Variants in ZFHX3 observed in about 807,000 individuals in gnomAD.
ZFHX3 encodes zinc finger homeobox protein 3.
In ZFHX3, 42 loss-of-function variants were observed where a neutral mutation model predicts 279.1. That is an observed-to-expected ratio of 0.15 (90% CI 0.12 to 0.19). The LOEUF (loss-of-function observed/expected upper bound fraction) is 0.19. Ranked by LOEUF, ZFHX3 falls within the 10% of genes least tolerant of loss-of-function variation. ZFHX3 has a pLI of 1.00. For synonymous variants in ZFHX3, 2,293 were observed against 1,957.8 expected (o/e 1.17, Z -4.52); for missense variants, 4,981 against 4,754.0 (o/e 1.05, Z -1.40).
intron 3 of ZFHX3, among the ~76,000 whole-genome samples, chr16:73,440,040 GT>G (rs2018062877): frequency 6.6e-6 from 1 of 151,038 alleles, no homozygotes; most frequent in Admixed American, 6.6e-5. Context: ...CAAGTGCGTT[GT>G]TCACAGTACA....
At chr16:73,360,331 C>T (rs534424590) in intron 3 of ZFHX3, among the ~76,000 whole-genome samples, 7 of 152,216 alleles carry the variant, frequency 4.6e-5, no homozygotes, top group South Asian at 2.1e-4. Context: ...TGTTTTGTTT[C>T]GTTTTGTTTC....
chr16:73,338,879 G>C (rs13333586), intron 3 of ZFHX3, among the ~76,000 whole-genome samples: 4,168 of 152,152 alleles, frequency 0.027, 204 homozygotes, highest in African/African-American at 0.094. Flanking sequence ...TCGCCATAGT[G>C]GATGAGTTCT....
chr16:73,839,840 A>G (rs1332151694), intron 1 of ZFHX3, among the ~76,000 whole-genome samples: 1 of 152,074 alleles, frequency 6.6e-6, no homozygotes, highest in Non-Finnish European at 1.5e-5. Flanking sequence ...CCCTAACCCT[A>G]TCCCTGGGGA....
chr16:73,159,499 C>A (rs1391049952), intron 5 of ZFHX3, among the ~76,000 whole-genome samples: 1 of 152,086 alleles, frequency 6.6e-6, no homozygotes, highest in African/African-American at 2.4e-5. Context: ...TGTGAAGAAG[C>A]TTGGGGTTGC....
At position 73,269,427 on chromosome 16, in the gene ZFHX3, T is replaced by C. The variant is rs377388533; in HGVS notation, c.-1193-12291A>G. Among the ~76,000 whole-genome samples, 21 of 152,354 alleles carry C rather than the reference T, an allele frequency of 1.4e-4. 1 individual carries two copies. Among genetic ancestry groups the C allele is most frequent in the South Asian group, 1.2e-3 (6 of 4,830 alleles). ...CCATATAAATGGAATAATTCAGTAT[T>C]TTTTGTTAGCGACTTCTTTCACTTA... On this transcript the variant is annotated intron_variant, in intron 4 of 17. Transcript: ENST00000641206.
chr16:72,963,580 T>C lies in ZFHX3; in HGVS notation c.-49-3386A>G, dbSNP rs377643194. On this transcript the variant is annotated intron_variant, in intron 1 of 9. Transcript: ENST00000268489. ...TCTTCCAAGCTCCCTTGGAACCACC[T>C]GTAAAGCCCACTGCATCTTTGCAAA... Among the ~76,000 whole-genome samples the C allele has an allele frequency of 3.7e-4, 57 of 152,290 alleles. No individual in the cohort carries two copies. The South Asian group carries it at 0.011, about 29-fold the overall frequency.
At chr16:72,816,529 T>C (rs1246485666) in intron 5 of ZFHX3, among the ~76,000 whole-genome samples, 1 of 152,200 alleles carries the variant, frequency 6.6e-6, no homozygotes, top group East Asian at 1.9e-4. Context: ...CCACACAGAC[T>C]TTCCAGGGAG....
At chr16:73,013,243 T>C (rs1027399003) in intron 1 of ZFHX3, among the ~76,000 whole-genome samples, 5 of 152,192 alleles carry the variant, frequency 3.3e-5, no homozygotes, top group African/African-American at 7.2e-5. Flanking sequence ...CCCACAACAC[T>C]TGGATTCTTT....
At chr16:73,870,899 A>G (rs1962145381) in intron 1 of ZFHX3, among the ~76,000 whole-genome samples, 2 of 152,196 alleles carry the variant, frequency 1.3e-5, no homozygotes, top group South Asian at 4.2e-4. Context: ...TCACCATAAA[A>G]CCAACAATGA....
In ZFHX3 at chr16:73,606,099, G is replaced by A. The variant is rs565421060; in HGVS notation, c.-1547+74081C>T. 2.8e-3 allele frequency among the ~76,000 whole-genome samples: 415 copies of A among 146,228 alleles called. 2 individuals carry two copies. Among genetic ancestry groups the A allele is most frequent in the Non-Finnish European group, 3.7e-3 (248 of 67,130 alleles). On this transcript the variant is annotated intron_variant, in intron 2 of 17. Coordinates refer to the ZFHX3 transcript ENST00000641206. ...TTGGGAGGCTGAGGTGGAGAACGGC[G>A]TGAACCCGGGAGGTGGAGCTTGCAG... is the stretch of plus-strand genomic sequence containing the variant.
intron 1 of ZFHX3, among the ~76,000 whole-genome samples, chr16:73,718,585 A>G (rs1236533607): frequency 1.3e-5 from 2 of 150,580 alleles, no homozygotes; most frequent in Non-Finnish European, 3.0e-5. Flanking sequence ...GAGCTGAATC[A>G]TGTTTGTTTA....
At chr16:72,923,504 G>A (rs1429080807) in intron 3 of ZFHX3, among the ~76,000 whole-genome samples, 3 of 149,740 alleles carry the variant, frequency 2.0e-5, no homozygotes, top group Admixed American at 1.3e-4. Flanking sequence ...ATCCTTGATA[G>A]AGGCAAACAC....
intron 5 of ZFHX3, among the ~76,000 whole-genome samples, chr16:73,251,180 C>T (rs2013476001): frequency 1.3e-5 from 2 of 152,108 alleles, no homozygotes; most frequent in African/African-American, 4.8e-5. Context: ...CCTCTGAGAC[C>T]TCTCACAGAT....
intron 5 of ZFHX3, among the ~76,000 whole-genome samples, chr16:73,213,945 TA>T: frequency 6.6e-6 from 1 of 152,218 alleles, no homozygotes; most frequent in East Asian, 1.9e-4. Flanking sequence ...CTGCACCCTT[TA>T]TTATTAAGAA....
chr16:73,330,095 G>A lies in ZFHX3; in HGVS notation c.-1290-11759C>T, dbSNP rs7190090. On this transcript the variant is annotated intron_variant, in intron 3 of 17. Transcript: ENST00000641206. ...GACAAGCCCAGAGGAATGTGACAGG[G>A]ATCAAGTAGAGTCAGTATGAGCAGG... Among the ~76,000 whole-genome samples, 409 of 152,154 alleles carry A rather than the reference G, an allele frequency of 2.7e-3. 3 individuals are homozygous for A. Among genetic ancestry groups the A allele is most frequent in the African/African-American group, 9.4e-3 (392 of 41,548 alleles).
intron 5 of ZFHX3, chr16:73,232,090 A>T (rs2012792872): frequency 2.0e-5 from 3 of 152,172 alleles, no homozygotes; most frequent in African/African-American, 7.2e-5. Flanking sequence ...GCAGCTGTAG[A>T]GAAATGAGAA....
At chr16:72,855,623 G>A (rs768611076) in intron 4 of ZFHX3, among the ~76,000 whole-genome samples, 1 of 152,196 alleles carries the variant, frequency 6.6e-6, no homozygotes, top group African/African-American at 2.4e-5. Flanking sequence ...AGATTCATCT[G>A]GAAATCGAGA....
chr16:73,128,991 G>A (rs1165233028), intron 7 of ZFHX3, among the ~76,000 whole-genome samples: 4 of 152,108 alleles, frequency 2.6e-5, no homozygotes, highest in African/African-American at 9.7e-5. Context: ...CTGAGCAAGT[G>A]CCTACTTACT....
intron 2 of ZFHX3, among the ~76,000 whole-genome samples, chr16:73,579,345 C>G (rs1386783901): frequency 1.3e-5 from 2 of 152,178 alleles, no homozygotes; most frequent in Non-Finnish European, 2.9e-5. Context: ...CACATGTCAT[C>G]AGGACCTCCT....
Sources: gnomAD v4.1 joint callset for allele counts (sites outside exome capture counted in the v4.1 genomes callset) on GRCh38, gnomAD v4.1.1 for gene constraint, MANE v1.5 for transcripts, NCBI Gene and HGNC (gene_info 2026-07-23, HGNC 2026-07-21) for gene names.